Variants in MACROD2 observed in about 807,000 individuals in gnomAD.
MACROD2 encodes the protein ADP-ribose glycohydrolase MACROD2.
A neutral mutation model predicts 70.4 loss-of-function variants in MACROD2; 36 were observed. That is an observed-to-expected ratio of 0.51 (90% CI 0.39 to 0.68). The LOEUF (loss-of-function observed/expected upper bound fraction) is 0.68. Among genes scored for constraint, MACROD2 ranks in the 30% least tolerant of loss-of-function variants. The probability of loss-of-function intolerance (pLI) is 0.00; values close to 1 mark genes in which losing one functional copy is unlikely to be tolerated. For synonymous variants in MACROD2, 172 were observed against 178.8 expected, an observed-to-expected ratio of 0.96 and a Z score of 0.30; for missense variants, 496 against 538.4, an observed-to-expected ratio of 0.92 and a Z score of 0.78.
At chr20:15,530,716 CAA>C (rs57826871) in intron 8 of MACROD2, among the ~76,000 whole-genome samples, 41 of 90,536 alleles carry the variant, frequency 4.5e-4, no homozygotes, top group Admixed American at 1.4e-3. Context: ...CTCCATCTCA[CAA>C]AAAAAAAAAA....
intron 3 of MACROD2, among the ~76,000 whole-genome samples, chr20:14,322,200 A>ATATATATATATATATATATATATATT (rs1318380598): frequency 2.3e-5 from 3 of 133,172 alleles, no homozygotes; most frequent in African/African-American, 8.1e-5. Flanking sequence ...ATATATATAT[A>ATATATATATATATATATATATATATT]TTTTGTATTT....
At chr20:14,251,524 C>T (rs964032139) in intron 3 of MACROD2, among the ~76,000 whole-genome samples, 1 of 151,880 alleles carries the variant, frequency 6.6e-6, no homozygotes, top group Admixed American at 6.6e-5. Flanking sequence ...GGAATACAGT[C>T]AATTATAATA....
chr20:14,552,110 A>C (rs1245757337), intron 4 of MACROD2, among the ~76,000 whole-genome samples: 1 of 151,844 alleles, frequency 6.6e-6, no homozygotes, highest in Non-Finnish European at 1.5e-5. Context: ...CAGAAAGCAT[A>C]ATGACTGGCA....
chr20:15,046,788 C>T (rs763970622), intron 5 of MACROD2, among the ~76,000 whole-genome samples: 36 of 152,204 alleles, frequency 2.4e-4, no homozygotes, highest in Non-Finnish European at 4.1e-4. Flanking sequence ...ACTCTTTCCA[C>T]GCCTAGGTTA....
chr20:14,562,370 T>G (rs1465392086), intron 4 of MACROD2, among the ~76,000 whole-genome samples: 3 of 151,964 alleles, frequency 2.0e-5, no homozygotes, highest in African/African-American at 7.2e-5. Context: ...TGTAGCTTGC[T>G]TCTTCTTTTG....
chr20:15,668,258 T>TA (rs1555857656), intron 8 of MACROD2, among the ~76,000 whole-genome samples: 1 of 149,686 alleles, frequency 6.7e-6, no homozygotes, highest in Non-Finnish European at 1.5e-5. Context: ...AGACTCTGTC[T>TA]AAAAAAAATA....
chr20:14,084,011 G>C (rs916522143), intron 2 of MACROD2, among the ~76,000 whole-genome samples: 2 of 125,648 alleles, frequency 1.6e-5, no homozygotes, highest in Non-Finnish European at 3.1e-5. Flanking sequence ...GCAGTGAGCC[G>C]AGATCGCGCC....
At chr20:14,964,371 G>A (rs2074612024) in intron 5 of MACROD2, among the ~76,000 whole-genome samples, 1 of 152,196 alleles carries the variant, frequency 6.6e-6, no homozygotes, top group Admixed American at 6.5e-5. Context: ...AGGAGATCGA[G>A]ACCATCCTGG....
intron 3 of MACROD2, among the ~76,000 whole-genome samples, chr20:14,182,127 C>A (rs1223972695): frequency 6.6e-6 from 1 of 152,190 alleles, no homozygotes; most frequent in Non-Finnish European, 1.5e-5. Context: ...GTTCCAATTT[C>A]TTTTCATTCC....
At chr20:15,958,985 C>T (rs2066019068) in intron 12 of MACROD2, among the ~76,000 whole-genome samples, 3 of 152,190 alleles carry the variant, frequency 2.0e-5, no homozygotes. Context: ...TTAAGCCACC[C>T]AGTCTATGGT....
intron 3 of MACROD2, among the ~76,000 whole-genome samples, chr20:14,483,694 C>G (rs544952710): frequency 1.1e-4 from 17 of 152,358 alleles, no homozygotes; most frequent in Non-Finnish European, 2.4e-4. Flanking sequence ...GTGGGAGCCA[C>G]CATGCCCAGC....
At chr20:14,499,644 G>C (rs2084894757) in intron 4 of MACROD2, among the ~76,000 whole-genome samples, 1 of 152,072 alleles carries the variant, frequency 6.6e-6, no homozygotes, top group East Asian at 1.9e-4. Context: ...GAGGGAAGGT[G>C]GTTAGGGACC....
chr20:15,028,101 C>T (rs974075620), intron 5 of MACROD2, among the ~76,000 whole-genome samples: 3 of 152,200 alleles, frequency 2.0e-5, no homozygotes, highest in Non-Finnish European at 2.9e-5. Context: ...ACATCCCTAG[C>T]AAAAGGGAGG....
intron 3 of MACROD2, among the ~76,000 whole-genome samples, chr20:14,404,583 T>A (rs2083673138): frequency 1.5e-5 from 2 of 132,960 alleles, no homozygotes; most frequent in South Asian, 6.1e-4. Context: ...GGTGACAAAG[T>A]GAGACCCCCA....
At position 14,910,275 on chromosome 20, in the gene MACROD2, G is replaced by A. The variant is rs573907104; in HGVS notation, c.418+225316G>A. On this transcript the variant is annotated intron_variant, in intron 5 of 17. Transcript: ENST00000684519. ...CTTCGCGCTTACACATTAATATAGA[G>A]CCCAGACTGTAGGGAGAATTGGAGA... is the stretch of plus-strand genomic sequence containing the variant. 3.9e-5 allele frequency among the ~76,000 whole-genome samples: 6 copies of A among 152,276 alleles called. No individual in the cohort carries two copies. In the East Asian group the frequency reaches 1.2e-3, roughly 29 times the overall value.
intron 5 of MACROD2, among the ~76,000 whole-genome samples, chr20:14,868,787 T>A (rs372182): frequency 1.3e-5 from 2 of 151,978 alleles, no homozygotes; most frequent in Non-Finnish European, 2.9e-5. Flanking sequence ...ACAGGCAGTG[T>A]GTGGGTGGTA....
intron 3 of MACROD2, among the ~76,000 whole-genome samples, chr20:14,437,813 G>A (rs967608434): frequency 1.3e-5 from 2 of 152,038 alleles, no homozygotes; most frequent in African/African-American, 2.4e-5. Context: ...CTATTAAGAT[G>A]TTTTTAAATA....
intron 8 of MACROD2, among the ~76,000 whole-genome samples, chr20:15,553,959 G>A (rs1187620052): frequency 5.3e-5 from 8 of 152,162 alleles, no homozygotes; most frequent in Admixed American, 5.2e-4. Flanking sequence ...GACAGATTCA[G>A]TTTAGCAGTT....
intron 6 of MACROD2, among the ~76,000 whole-genome samples, chr20:15,318,737 C>A (rs1047329223): frequency 1.3e-5 from 2 of 151,920 alleles, no homozygotes; most frequent in Non-Finnish European, 2.9e-5. Context: ...TTAACCAGTG[C>A]AGAAAAAGAA....
Sources: gnomAD v4.1 joint callset for allele counts (sites outside exome capture counted in the v4.1 genomes callset) on GRCh38, gnomAD v4.1.1 for gene constraint, MANE v1.5 for transcripts, NCBI Gene and HGNC (gene_info 2026-07-23, HGNC 2026-07-21) for gene names.